The following FRMPD4 variants were observed in gnomAD, a reference collection of about 807,000 sequenced individuals.
FRMPD4 encodes the protein FERM and PDZ domain containing 4, also known as FERM and PDZ domain-containing protein 4.
In FRMPD4, 22 loss-of-function variants were observed where a neutral mutation model predicts 94.1. The observed-to-expected ratio is 0.23, with a 90% CI of 0.17 to 0.33. The LOEUF (loss-of-function observed/expected upper bound fraction) is 0.33, where lower values mean the gene tolerates loss of function less well. Ranked by LOEUF, FRMPD4 falls within the 10% of genes least tolerant of loss-of-function variation. The pLI, the probability that FRMPD4 is intolerant of heterozygous loss-of-function variation, is 1.00. For missense variants in FRMPD4, 1,111 were observed against 1,339.9 expected (o/e 0.83, Z 2.67); for synonymous variants, 631 against 548.6 (o/e 1.15, Z -2.10).
At chrX:12,099,220 TA>T (rs891381138) in intron 3 of FRMPD4, among the ~76,000 whole-genome samples, 12 of 110,579 alleles carry the variant, frequency 1.1e-4, no homozygotes, top group African/African-American at 3.9e-4. Flanking sequence ...TAAAGTATAA[TA>T]AAAAAATATA....
intron 14 of FRMPD4, 71 bp from the exon 15 acceptor site, chrX:12,715,998 G>GCCGGGGGCCCC: frequency 7.8e-6 from 3 of 383,857 alleles, no homozygotes; most frequent in Non-Finnish European, 9.4e-6. Context: ...ACAGAGACGA[G>GCCGGGGGCCCC]CCTCCCACCC....
rs149085512 is a variant in FRMPD4, at chrX:12,285,165, C to T, written c.41+146153C>T. The stretch of plus-strand genomic sequence containing the variant: ...GAAGGGAAGAGAACAGTTTGGTGTG[C>T]CACTGGTGAGTCCTTCCTAGGTGAT... On this transcript the variant is annotated intron_variant, in intron 1 of 16. Coordinates refer to ENST00000675598, the MANE Select transcript of FRMPD4 (RefSeq NM_001368397.1). Among the ~76,000 whole-genome samples, 19 of 111,830 alleles carry T rather than the reference C, an allele frequency of 1.7e-4. No homozygotes were observed. In the East Asian group the frequency reaches 5.1e-3, roughly 30 times the overall value.
At chrX:12,055,761 A>G (rs2054850575) in intron 3 of FRMPD4, among the ~76,000 whole-genome samples, 1 of 111,876 alleles carries the variant, frequency 8.9e-6, no homozygotes, top group South Asian at 3.7e-4. Context: ...AGGAAGAAGC[A>G]TGTCCAACTA....
At chrX:12,227,839 G>C (rs1272296144) in intron 1 of FRMPD4, among the ~76,000 whole-genome samples, 1 of 109,893 alleles carries the variant, frequency 9.1e-6, no homozygotes, top group Non-Finnish European at 1.9e-5. Flanking sequence ...GAGAGAGAGA[G>C]AGAGAGAGAG....
chrX:12,090,168 G>T (rs893322434), intron 3 of FRMPD4, among the ~76,000 whole-genome samples: 2 of 111,213 alleles, frequency 1.8e-5, no homozygotes, highest in Non-Finnish European at 3.8e-5. Context: ...CTGGTGGGAG[G>T]TGATTGAATC....
intron 2 of FRMPD4, among the ~76,000 whole-genome samples, chrX:12,553,460 A>ATATATATATATATATG (rs769330484): frequency 7.0e-4 from 57 of 81,538 alleles, no homozygotes; most frequent in African/African-American, 2.8e-3. Flanking sequence ...ATATATATAT[A>ATATATATATATATATG]TATATATCTA....
rs747301411 is a variant in FRMPD4, at chrX:12,099,575, T to A, written c.95+221557T>A. 2.7e-5 allele frequency among the ~76,000 whole-genome samples: 3 copies of A among 112,000 alleles called. No individual in the cohort carries two copies. The South Asian group carries it at 1.1e-3, about 42-fold the overall frequency. ...CCACTTGATCTTAGCAAGACCAGCT[T>A]CTCACTGAAATACCAGCCAACCCTT... On this transcript the variant is annotated intron_variant, in intron 3 of 18. Transcript: ENST00000640291.
At chrX:12,179,592 A>C (rs149196380) in intron 1 of FRMPD4, among the ~76,000 whole-genome samples, 3 of 111,714 alleles carry the variant, frequency 2.7e-5, no homozygotes, top group Non-Finnish European at 5.6e-5. Flanking sequence ...ACAAGTATGC[A>C]AGAAATATAT....
chrX:12,045,731 T>C (rs759108013), intron 3 of FRMPD4, among the ~76,000 whole-genome samples: 8 of 111,374 alleles, frequency 7.2e-5, no homozygotes, highest in Non-Finnish European at 1.5e-4. Context: ...GAACTCAGAA[T>C]TGAGATTTAA....
chrX:12,060,266 GGT>G (rs1491453238), intron 3 of FRMPD4, among the ~76,000 whole-genome samples: 1 of 96,596 alleles, frequency 1.0e-5, no homozygotes, highest in African/African-American at 4.3e-5. Context: ...ACTAGGAACT[GGT>G]TTTTTTTTTT....
At chrX:11,869,385 C>G (rs2053743077) in intron 2 of FRMPD4, among the ~76,000 whole-genome samples, 1 of 111,727 alleles carries the variant, frequency 9.0e-6, no homozygotes, top group Admixed American at 9.5e-5. Flanking sequence ...AATGGGTTCA[C>G]TTACAATCTA....
chrX:12,147,502 C>G (rs1038969867), intron 1 of FRMPD4, among the ~76,000 whole-genome samples: 1 of 112,362 alleles, frequency 8.9e-6, no homozygotes, highest in Admixed American at 9.4e-5. Flanking sequence ...AAAACAGATG[C>G]TTATTCTTGT....
intron 3 of FRMPD4, among the ~76,000 whole-genome samples, chrX:11,967,034 C>T (rs2147377435): frequency 9.0e-6 from 1 of 111,718 alleles, no homozygotes; most frequent in South Asian, 3.8e-4. Flanking sequence ...TTTCTTTCAC[C>T]ATGGCTGAGG....
intron 1 of FRMPD4, among the ~76,000 whole-genome samples, chrX:12,345,610 C>T (rs995066075): frequency 9.0e-6 from 1 of 111,515 alleles, no homozygotes; most frequent in African/African-American, 3.3e-5. Context: ...ATTGCCAATT[C>T]CCCAATGGAT....
At chrX:12,540,051 T>C (rs1214960794) in intron 2 of FRMPD4, among the ~76,000 whole-genome samples, 1 of 111,841 alleles carries the variant, frequency 8.9e-6, no homozygotes, top group Non-Finnish European at 1.9e-5. Context: ...AGAGATTCTG[T>C]CACCACCAGG....
intron 1 of FRMPD4, among the ~76,000 whole-genome samples, chrX:12,454,231 C>T (rs2057306248): frequency 8.9e-6 from 1 of 111,869 alleles, no homozygotes; most frequent in Non-Finnish European, 1.9e-5. Flanking sequence ...TATCTTTTTC[C>T]TAAAATTTCA....
intron 3 of FRMPD4, among the ~76,000 whole-genome samples, chrX:12,031,719 A>C (rs1156965242): frequency 8.9e-6 from 1 of 111,868 alleles, no homozygotes; most frequent in Non-Finnish European, 1.9e-5. Context: ...TGTAAGAGCA[A>C]CTGGATTTTG....
Position 12,630,136 on chromosome X carries a change from T to C in FRMPD4, c.422+15255T>C, listed in dbSNP as rs1029665360. On this transcript the variant is annotated intron_variant, in intron 4 of 16. Transcript: ENST00000675598. ...TTCTGTCATATATGAGTGAAGGGGATGTGAAGAAATTCAGGGGCCACTGGC... is the reference window on the plus strand; with the variant it reads ...TTCTGTCATATATGAGTGAAGGGGACGTGAAGAAATTCAGGGGCCACTGGC... 3.6e-5 allele frequency among the ~76,000 whole-genome samples: 4 copies of C among 111,870 alleles called. No individual in the cohort carries two copies. In the Admixed American group the frequency reaches 3.8e-4, roughly 11 times the overall value.
At chrX:12,645,112 A>T (rs753907959) in intron 4 of FRMPD4, among the ~76,000 whole-genome samples, 1 of 111,133 alleles carries the variant, frequency 9.0e-6, no homozygotes, top group African/African-American at 3.3e-5. Context: ...ATTGTGTCTT[A>T]TGGTATTTTT....
Sources: gnomAD v4.1 joint callset for allele counts (sites outside exome capture counted in the v4.1 genomes callset) on GRCh38, gnomAD v4.1.1 for gene constraint, MANE v1.5 for transcripts, NCBI Gene and HGNC (gene_info 2026-07-23, HGNC 2026-07-21) for gene names.